SIPA1L3: variants seen among roughly 807,000 people sequenced by gnomAD.
SIPA1L3 encodes signal-induced proliferation-associated 1-like protein 3.
In SIPA1L3, 59 loss-of-function variants were observed where a neutral mutation model predicts 150.1. The ratio of observed to expected loss-of-function variants is 0.39; its 90% CI spans 0.32 to 0.49. The LOEUF (loss-of-function observed/expected upper bound fraction) is 0.49, where lower values mean the gene tolerates loss of function less well. Among genes scored for constraint, SIPA1L3 ranks in the 20% least tolerant of loss-of-function variants. The probability of loss-of-function intolerance (pLI) is 0.86; values close to 1 mark genes in which losing one functional copy is unlikely to be tolerated. For missense variants in SIPA1L3, 2,211 were observed against 2,489.5 expected, an observed-to-expected ratio of 0.89 and a Z score of 2.38; for synonymous variants, 1,070 against 1,077.6, an observed-to-expected ratio of 0.99 and a Z score of 0.14.
intron 1 of SIPA1L3, among the ~76,000 whole-genome samples, chr19:37,923,678 G>T (rs531124234): frequency 1.3e-5 from 2 of 151,444 alleles, no homozygotes; most frequent in African/African-American, 4.9e-5. Context: ...TTTAAAAAAT[G>T]TTTCCTCAAT....
chr19:37,919,067 T>C (rs895621040), intron 1 of SIPA1L3, among the ~76,000 whole-genome samples: 1 of 152,096 alleles, frequency 6.6e-6, no homozygotes, highest in South Asian at 2.1e-4. Flanking sequence ...TCCAAAGACA[T>C]TGCCAGTGGA....
chr19:37,967,155 A>G (rs1186806185), intron 1 of SIPA1L3, among the ~76,000 whole-genome samples: 1 of 151,502 alleles, frequency 6.6e-6, no homozygotes, highest in African/African-American at 2.4e-5. Context: ...GTTTGTGGGC[A>G]TTTTTGGCAT....
chr19:38,195,049 T>C (rs1972890677), intron 18 of SIPA1L3, among the ~76,000 whole-genome samples: 1 of 149,272 alleles, frequency 6.7e-6, no homozygotes, highest in South Asian at 2.1e-4. Flanking sequence ...AGACTCCATC[T>C]CAAAAAAAAA....
chr19:37,960,339 G>A (rs1238174883), intron 1 of SIPA1L3, among the ~76,000 whole-genome samples: 1 of 151,908 alleles, frequency 6.6e-6, no homozygotes, highest in Non-Finnish European at 1.5e-5. Flanking sequence ...CTGTGTTCAA[G>A]CGATCCTCCA....
At chr19:38,078,507 G>A (rs1237767019) in intron 2 of SIPA1L3, among the ~76,000 whole-genome samples, 1 of 135,880 alleles carries the variant, frequency 7.4e-6, no homozygotes. Context: ...CAGGCACACA[G>A]ACATGCACAC....
chr19:37,945,297 C>G (rs554145455), intron 1 of SIPA1L3, among the ~76,000 whole-genome samples: 45 of 151,730 alleles, frequency 3.0e-4, no homozygotes, highest in Middle Eastern at 6.8e-3. Context: ...TGCAGTGGTG[C>G]GATCTCGGCT....
chr19:38,042,890 G>A (rs143763196), intron 2 of SIPA1L3, among the ~76,000 whole-genome samples: 3 of 152,238 alleles, frequency 2.0e-5, no homozygotes, highest in East Asian at 3.9e-4. Context: ...TAGTAAAGAT[G>A]GCCTTTGGAA....
intron 1 of SIPA1L3, among the ~76,000 whole-genome samples, chr19:37,961,176 T>G (rs1305577306): frequency 6.6e-6 from 1 of 151,672 alleles, no homozygotes; most frequent in Non-Finnish European, 1.5e-5. Flanking sequence ...ACCCTTTTTT[T>G]TTTTTTTAAT....
chr19:37,926,657 G>A (rs1311917863), intron 1 of SIPA1L3, among the ~76,000 whole-genome samples: 2 of 152,174 alleles, frequency 1.3e-5, no homozygotes, highest in Non-Finnish European at 2.9e-5. Flanking sequence ...AGACTTGCAA[G>A]TCGTTGTGGA....
intron 1 of SIPA1L3, among the ~76,000 whole-genome samples, chr19:37,947,416 G>T (rs1157868871): frequency 4.0e-5 from 6 of 151,292 alleles, no homozygotes; most frequent in Non-Finnish European, 7.4e-5. Context: ...TTGAACCCAG[G>T]AGGCAGAGGT....
chr19:38,155,533 C>A (rs1971926253), intron 13 of SIPA1L3, among the ~76,000 whole-genome samples: 1 of 152,114 alleles, frequency 6.6e-6, no homozygotes, highest in African/African-American at 2.4e-5. Flanking sequence ...AACTTGTAGC[C>A]CCTTTGAAGT....
intron 1 of SIPA1L3, among the ~76,000 whole-genome samples, chr19:37,934,413 C>T (rs10415548): frequency 0.38 from 57,763 of 152,000 alleles, 13,775 homozygotes; most frequent in East Asian, 0.71. Flanking sequence ...GAGGACTCTC[C>T]TATTACACTT....
chr19:38,035,519 G>A (rs375816723), intron 2 of SIPA1L3, among the ~76,000 whole-genome samples: 3 of 152,174 alleles, frequency 2.0e-5, no homozygotes, highest in Non-Finnish European at 2.9e-5. Flanking sequence ...GGGTTGACAC[G>A]GTGGCCAAGA....
intron 14 of SIPA1L3, among the ~76,000 whole-genome samples, chr19:38,163,149 C>G (rs1449354492): frequency 6.6e-6 from 1 of 152,084 alleles, no homozygotes; most frequent in African/African-American, 2.4e-5. Context: ...AGCTGACTTC[C>G]CATTTGGGGC....
intron 3 of SIPA1L3, among the ~76,000 whole-genome samples, chr19:38,086,829 T>A (rs547355468): frequency 1.3e-5 from 2 of 152,230 alleles, no homozygotes; most frequent in African/African-American, 4.8e-5. Flanking sequence ...CGTAGTCAAG[T>A]AGGAATTTAT....
intron 1 of SIPA1L3, among the ~76,000 whole-genome samples, chr19:37,955,529 C>G (rs1483773468): frequency 6.6e-6 from 1 of 152,162 alleles, no homozygotes; most frequent in Non-Finnish European, 1.5e-5. Context: ...GCAGGCAGTC[C>G]TTGCTTCCAC....
chr19:38,159,474 C>A lies in SIPA1L3; in HGVS notation c.3662-2779C>A, dbSNP rs139530399. Among the ~76,000 whole-genome samples the A allele has an allele frequency of 7.3e-4, 111 of 152,338 alleles. No individual in the cohort carries two copies. In the Middle Eastern group the frequency reaches 0.01, roughly 14 times the overall value. ...ATCCTAGGTGTCTCTCCTTCCAGGG[C>A]AGTTTGTGGGGGGTCCAGTGAGATA... On this transcript the variant is annotated intron_variant, in intron 13 of 21. Transcript: ENST00000222345.
At chr19:38,015,666 G>C (rs1445486528) in intron 1 of SIPA1L3, among the ~76,000 whole-genome samples, 2 of 147,526 alleles carry the variant, frequency 1.4e-5, no homozygotes, top group Middle Eastern at 3.5e-3. Context: ...CAAGGTTGCA[G>C]TGAGCTGTGA....
At chr19:38,168,124 C>T (rs866385552) in intron 15 of SIPA1L3, among the ~76,000 whole-genome samples, 6 of 152,160 alleles carry the variant, frequency 3.9e-5, no homozygotes, top group Admixed American at 6.5e-5. Flanking sequence ...CGGTGGCTCA[C>T]GCCTATAAAC....
Sources: allele counts gnomAD v4.1 joint callset (sites outside exome capture counted in the v4.1 genomes callset), GRCh38; gene constraint gnomAD v4.1.1; transcripts MANE v1.5; gene names NCBI Gene and HGNC (gene_info 2026-07-23, HGNC 2026-07-21).